The following CLASRP variants were observed in gnomAD, a reference collection of about 807,000 sequenced individuals.
CLASRP encodes the protein CLK4-associating serine/arginine rich protein.
In CLASRP, 52 loss-of-function variants were observed where a neutral mutation model predicts 99.9. That is an observed-to-expected ratio of 0.52 (90% CI 0.42 to 0.66). CLASRP has a LOEUF of 0.66. Among genes scored for constraint, CLASRP ranks in the 30% least tolerant of loss-of-function variants. The pLI, the probability that CLASRP is intolerant of heterozygous loss-of-function variation, is 0.00. For missense variants in CLASRP, 848 were observed against 999.2 expected, an observed-to-expected ratio of 0.85 and a Z score of 2.04; for synonymous variants, 379 against 373.0, an observed-to-expected ratio of 1.02 and a Z score of -0.18.
intron 2 of CLASRP, among the ~76,000 whole-genome samples, chr19:45,042,303 C>T (rs1971827327): frequency 6.6e-6 from 1 of 152,046 alleles, no homozygotes; most frequent in South Asian, 2.1e-4. Context: ...AGAAAGGCCT[C>T]CTGGACTCTT....
At chr19:45,069,933 C>T (rs879164554) in intron 18 of CLASRP, 89 bp from the exon 19 acceptor site, 1 of 760,890 alleles carries the variant, frequency 1.3e-6, no homozygotes, top group Non-Finnish European at 2.4e-6. Flanking sequence ...TTACTGTCTT[C>T]CTCGGAGTAG....
intron 7 of CLASRP, among the ~76,000 whole-genome samples, chr19:45,058,500 C>G (rs1171611119): frequency 6.6e-6 from 1 of 152,124 alleles, no homozygotes; most frequent in Non-Finnish European, 1.5e-5. Flanking sequence ...ATTCTCCTGC[C>G]TCAGCTTCCC....
Position 45,066,331 on chromosome 19 carries a change from G to A in CLASRP, c.1410-1006G>A, listed in dbSNP as rs185701162. Among the ~76,000 whole-genome samples, 156 of 152,220 alleles carry A rather than the reference G, an allele frequency of 1.0e-3. 3 individuals carry two copies. The highest frequency in any genetic ancestry group is 0.01 in the Middle Eastern group (3 of 294). Reference sequence around the variant, plus strand: ...GACGGGGTTTCACTGTGTTGGCCAGGCTGGTCTTGAACTCCTGACCTCATG... The same window carrying A: ...GACGGGGTTTCACTGTGTTGGCCAGACTGGTCTTGAACTCCTGACCTCATG... On this transcript the variant is annotated intron_variant, in intron 13 of 20. Coordinates refer to ENST00000221455, the MANE Select transcript of CLASRP (RefSeq NM_007056.3).
intron 3 of CLASRP, 148 bp from the exon 4 acceptor site, chr19:45,052,643 C>A: frequency 3.2e-6 from 2 of 622,988 alleles, no homozygotes; most frequent in Non-Finnish European, 5.6e-6. Context: ...GGACTGAGAG[C>A]TGGGGGTTGA....
chr19:45,050,061 G>A (rs1282849774), intron 2 of CLASRP, among the ~76,000 whole-genome samples: 1 of 152,114 alleles, frequency 6.6e-6, no homozygotes, highest in African/African-American at 2.4e-5. Flanking sequence ...GAAGCACAGA[G>A]GTCCGAGCAG....
At chr19:45,052,655 G>T (rs1972046465) in intron 3 of CLASRP, 136 bp from the exon 4 acceptor site, 1 of 646,846 alleles carries the variant, frequency 1.5e-6, no homozygotes, top group Non-Finnish European at 2.7e-6. Flanking sequence ...GGGGGTTGAG[G>T]TGAGGGTCAT....
Position 45,069,209 on chromosome 19 carries a change from A to G in CLASRP, c.1835A>G (p.Glu612Gly). 6.2e-7 allele frequency: 1 copy of G among 1,613,890 alleles called. No homozygotes were observed. Among genetic ancestry groups the G allele is most frequent in the Non-Finnish European group, 8.5e-7 (1 of 1,179,976 alleles). Residue 612 changes from glutamate (E) to glycine (G), a missense_variant, in exon 18 of 21, where the codon GAA becomes GGA. Coordinates refer to ENST00000221455, the MANE Select transcript of CLASRP (RefSeq NM_007056.3). ...IQQEHERQER[E>G]DELRAMARKI... Reference sequence around the variant, plus strand: ...TAGCCCTGTCTGCTGCAGGAGCGGGAAGACGAGCTTCGAGCCATGGCCCGC... The same window carrying G: ...TAGCCCTGTCTGCTGCAGGAGCGGGGAGACGAGCTTCGAGCCATGGCCCGC...
chr19:45,044,604 AAAT>A (rs1337158823), intron 2 of CLASRP, among the ~76,000 whole-genome samples: 1 of 152,114 alleles, frequency 6.6e-6, no homozygotes, highest in African/African-American at 2.4e-5. Flanking sequence ...TCTCTGCAAA[AAAT>A]AATAAAAAAA....
rs145093284 is a variant in CLASRP at position 45,046,958 on chromosome 19, C to G, written c.100-5113C>G. ...AGGAGAATCGCTTGAACCCGGGAGG[C>G]AGAGATTGTGGTTAGCCTAGATCAC... On this transcript the variant is annotated intron_variant, in intron 2 of 20. Coordinates refer to ENST00000221455, the MANE Select transcript of CLASRP (RefSeq NM_007056.3). 6.9e-3 allele frequency among the ~76,000 whole-genome samples: 1,043 copies of G among 152,126 alleles called. 11 individuals are homozygous for G. The highest frequency in any genetic ancestry group is 0.024 in the African/African-American group (987 of 41,502).
intron 2 of CLASRP, among the ~76,000 whole-genome samples, chr19:45,043,635 AT>A (rs1342376420): frequency 1.3e-5 from 2 of 151,818 alleles, no homozygotes; most frequent in South Asian, 2.1e-4. Context: ...GAGATGCAGG[AT>A]TTTTTTTGAA....
rs558346033 is a variant in CLASRP, at chr19:45,062,812, T to C, written c.905+617T>C. Among the ~76,000 whole-genome samples, 8 of 152,308 alleles carry C rather than the reference T, an allele frequency of 5.3e-5. No individual in the cohort carries two copies. The South Asian group carries it at 1.5e-3, about 28-fold the overall frequency. ...AGAAATCAAGTCACTTTAATCTCAA[T>C]TTCCAGAAGTGGCCAGTGGGAAATA... On this transcript the variant is annotated intron_variant, in intron 11 of 20. Transcript: ENST00000221455.
chr19:45,054,061 A>T lies in CLASRP; in HGVS notation c.379+884A>T, dbSNP rs190813838. Among the ~76,000 whole-genome samples, 153 of 152,304 alleles carry T rather than the reference A, an allele frequency of 1.0e-3. 1 individual carries two copies. The highest frequency in any genetic ancestry group is 3.4e-3 in the African/African-American group (142 of 41,558). On this transcript the variant is annotated intron_variant, in intron 5 of 20. Transcript: ENST00000221455. ...TGCCAAGTGTTCATGTATGTCCAGG[A>T]ATTTTCTCCCAGCCCAGCCTTATCA... is the stretch of plus-strand genomic sequence containing the variant.
intron 4 of CLASRP, 64 bp from the exon 5 acceptor site, chr19:45,053,033 TC>T (rs1972055168): frequency 6.3e-7 from 1 of 1,590,586 alleles, no homozygotes; most frequent in African/African-American, 1.3e-5. Context: ...TCATTTCCCT[TC>T]CTGCTGGCTT....
intron 2 of CLASRP, among the ~76,000 whole-genome samples, chr19:45,046,547 A>C (rs919454809): frequency 1.2e-4 from 18 of 152,176 alleles, no homozygotes; most frequent in African/African-American, 4.1e-4. Context: ...TTGTCCTTGT[A>C]TGGGGACAAG....
At position 45,058,108 on chromosome 19, in the gene CLASRP, G is replaced by C; in HGVS notation, c.613+210G>C. On this transcript the variant is annotated intron_variant, in intron 7 of 20. Coordinates refer to ENST00000221455, the MANE Select transcript of CLASRP (RefSeq NM_007056.3). ...TGCCTCACTCATCTCTCATTTCTAG[G>C]GTGCTATTTCTATGATCTTTTCCCC... 4.9e-6 allele frequency: 3 copies of C among 617,052 alleles called. No homozygotes were observed. The South Asian group carries it at 6.0e-5, about 12-fold the overall frequency. The allele number at this position is 617,052 out of a possible 1,614,324, so 38.2% of individuals were successfully genotyped here. A position where few individuals can be genotyped will look rare whatever the true frequency, so the allele number is the denominator to read the frequency against.
chr19:45,068,316 C>G (rs894311153), intron 15 of CLASRP, 104 bp from the exon 16 acceptor site: 120 of 634,016 alleles, frequency 1.9e-4, no homozygotes, highest in South Asian at 1.7e-3. Context: ...CGTTCTCCCC[C>G]CCCCACCCCC....
At chr19:45,064,868 C>T (rs977983768) in intron 13 of CLASRP, among the ~76,000 whole-genome samples, 29 of 152,162 alleles carry the variant, frequency 1.9e-4, no homozygotes, top group Non-Finnish European at 8.8e-5. Context: ...CTGTTTTCCA[C>T]GACAGGGTGT....
chr19:45,044,741 G>A (rs1243146479), intron 2 of CLASRP, among the ~76,000 whole-genome samples: 2 of 152,146 alleles, frequency 1.3e-5, no homozygotes, highest in Non-Finnish European at 2.9e-5. Context: ...GAACCTGGGT[G>A]ACAGAGTGAG....
intron 15 of CLASRP, 55 bp downstream of exon 15, chr19:45,068,109 G>C: frequency 6.4e-7 from 1 of 1,568,466 alleles, no homozygotes; most frequent in Non-Finnish European, 8.8e-7. Flanking sequence ...CAGTGCCCAA[G>C]AGCTGGGCCC....
Sources: gnomAD v4.1 joint callset for allele counts (sites outside exome capture counted in the v4.1 genomes callset) on GRCh38, gnomAD v4.1.1 for gene constraint, MANE v1.5 for transcripts, NCBI Gene and HGNC (gene_info 2026-07-23, HGNC 2026-07-21) for gene names.